The following ST7 variants were observed in gnomAD, a reference collection of about 807,000 sequenced individuals.
ST7 encodes suppressor of tumorigenicity 7 protein.
Under a neutral mutation model 78.7 loss-of-function variants are expected in ST7, and 28 were observed. The observed-to-expected ratio is 0.36, with a 90% confidence interval of 0.26 to 0.49. ST7 has a LOEUF of 0.49. Among genes scored for constraint, ST7 ranks in the 20% least tolerant of loss-of-function variants. The pLI is 0.99. For synonymous variants in ST7, 247 were observed against 249.6 expected (o/e 0.99, Z 0.10); for missense variants, 418 against 696.0 (o/e 0.60, Z 4.49).
chr7:117,011,134 TTGTG>T (rs147299288), intron 1 of ST7, among the ~76,000 whole-genome samples: 1 of 151,012 alleles, frequency 6.6e-6, no homozygotes, highest in African/African-American at 2.4e-5. Context: ...TTTAAGTATT[TTGTG>T]TGTGTGTGTG....
chr7:117,010,233 T>A (rs1795333083), intron 1 of ST7, among the ~76,000 whole-genome samples: 2 of 152,196 alleles, frequency 1.3e-5, no homozygotes, highest in South Asian at 4.1e-4. Context: ...AGCTGAATTC[T>A]CTCCTCACTT....
intron 10 of ST7, among the ~76,000 whole-genome samples, chr7:117,187,250 A>G (rs1454283188): frequency 2.0e-5 from 3 of 152,246 alleles, no homozygotes; most frequent in Non-Finnish European, 4.4e-5. Flanking sequence ...AAAATAACTT[A>G]CTAGCATAAA....
chr7:116,992,361 T>TC lies in ST7; in HGVS notation c.151+38673dup, dbSNP rs565210333. Among the ~76,000 whole-genome samples, 361 of 152,310 alleles carry TC rather than the reference T, an allele frequency of 2.4e-3. 3 individuals are homozygous for TC. The highest frequency in any genetic ancestry group is 6.9e-3 in the African/African-American group (288 of 41,572). On this transcript the variant is annotated intron_variant, in intron 1 of 15. Coordinates refer to ENST00000323984, the MANE Select transcript of ST7 (RefSeq NM_001369598.1). ...TACGTCTTCTGAAATCTACGTGGTT[T>TC]CCCAAACCCCAATTCTTGACTTCTG...
At chr7:117,223,125 G>A in intron 15 of ST7, 1 of 638,922 alleles carries the variant, frequency 1.6e-6, no homozygotes, top group Non-Finnish European at 2.8e-6. Context: ...CATCGTCTCG[G>A]CCTTCACAAT....
chr7:117,117,579 G>A (rs1021749248), intron 2 of ST7, among the ~76,000 whole-genome samples: 3 of 152,170 alleles, frequency 2.0e-5, no homozygotes, highest in East Asian at 1.9e-4. Context: ...TGTACAGTGA[G>A]CAGTACCCTT....
chr7:117,049,672 G>C (rs1320883106), intron 1 of ST7, among the ~76,000 whole-genome samples: 1 of 152,238 alleles, frequency 6.6e-6, no homozygotes, highest in African/African-American at 2.4e-5. Context: ...TGTAGTGACA[G>C]CTTCATGAAT....
rs189039687 is a variant in ST7, at chr7:117,116,895, T to C, written c.235-2666T>C. The stretch of plus-strand genomic sequence containing the variant: ...TTTTACCTTAGGATGAATAATCTGG[T>C]CCCATTTGATAGACTACTACTTCTG... On this transcript the variant is annotated intron_variant, in intron 2 of 15. Transcript: ENST00000323984. Among the ~76,000 whole-genome samples the C allele has an allele frequency of 9.5e-4, 145 of 152,312 alleles. 1 individual carries two copies. The highest frequency in any genetic ancestry group is 3.4e-3 in the Middle Eastern group (1 of 294).
At chr7:117,015,059 T>A in intron 1 of ST7, 1 of 972,636 alleles carries the variant, frequency 1.0e-6, no homozygotes, top group Non-Finnish European at 1.4e-6. Context: ...AGAATTACTT[T>A]AAAAATAATA....
chr7:116,983,703 C>T (rs117606641), intron 1 of ST7, among the ~76,000 whole-genome samples: 1,743 of 152,260 alleles, frequency 0.011, 10 homozygotes, highest in Non-Finnish European at 0.019. Context: ...TACCAACCCC[C>T]ACTGTCTGTC....
intron 13 of ST7, among the ~76,000 whole-genome samples, chr7:117,218,317 C>G (rs1792847317): frequency 6.6e-6 from 1 of 152,106 alleles, no homozygotes; most frequent in South Asian, 2.1e-4. Context: ...TTCATAGGAA[C>G]AGTGAGACTA....
In ST7 at chr7:117,131,813, C is replaced by T. The variant is rs566124328; in HGVS notation, c.566-72C>T. 9 of 1,336,142 alleles carry T rather than the reference C, an allele frequency of 6.7e-6. No homozygotes were observed. The African/African-American group carries it at 1.0e-4, about 15-fold the overall frequency. 82.8% of individuals were successfully genotyped at this position (1,336,142 alleles called of 1,614,324 possible). ...ATTTAAGCTGACACTCCTAATTTAG[C>T]TCTTGTCCTCTACTGAGTCTACCTA... On this transcript the variant is annotated intron_variant, in intron 5 of 15. Coordinates refer to ENST00000323984, the MANE Select transcript of ST7 (RefSeq NM_001369598.1).
At chr7:117,045,716 G>C (rs1423061794) in intron 1 of ST7, among the ~76,000 whole-genome samples, 1 of 152,134 alleles carries the variant, frequency 6.6e-6, no homozygotes, top group African/African-American at 2.4e-5. Flanking sequence ...TGTCTGCTTG[G>C]CCCATTGTAT....
intron 1 of ST7, among the ~76,000 whole-genome samples, chr7:116,975,254 T>C (rs529373211): frequency 1.3e-5 from 2 of 152,196 alleles, no homozygotes; most frequent in South Asian, 4.1e-4. Context: ...ACTTATTCAC[T>C]ATCACAACAG....
At chr7:117,059,021 A>C (rs1439492459) in intron 1 of ST7, among the ~76,000 whole-genome samples, 1 of 152,196 alleles carries the variant, frequency 6.6e-6, no homozygotes, top group Non-Finnish European at 1.5e-5. Context: ...GAGATAGAGA[A>C]TAGAAGGATG....
intron 1 of ST7, chr7:117,020,750 A>G: frequency 7.2e-7 from 1 of 1,382,456 alleles, no homozygotes; most frequent in South Asian, 1.4e-5. Context: ...TTTGGCTCTA[A>G]TTACAAAGGA....
At chr7:117,135,771 A>G (rs1377438013) in intron 7 of ST7, among the ~76,000 whole-genome samples, 3 of 152,106 alleles carry the variant, frequency 2.0e-5, no homozygotes, top group African/African-American at 7.2e-5. Context: ...CACTGTGAAC[A>G]AAGATTCCAT....
intron 1 of ST7, among the ~76,000 whole-genome samples, chr7:117,019,223 T>C (rs1795760893): frequency 6.6e-6 from 1 of 152,236 alleles, no homozygotes; most frequent in Admixed American, 6.5e-5. Context: ...TACGTATATA[T>C]GTATATATAT....
intron 1 of ST7, among the ~76,000 whole-genome samples, chr7:117,051,922 G>A (rs1797809831): frequency 1.3e-5 from 2 of 152,208 alleles, no homozygotes; most frequent in Admixed American, 1.3e-4. Context: ...AAGGAAATTT[G>A]AAGGTTGGCA....
intron 12 of ST7, among the ~76,000 whole-genome samples, chr7:117,194,156 A>G (rs1285785866): frequency 6.6e-6 from 1 of 152,216 alleles, no homozygotes; most frequent in Non-Finnish European, 1.5e-5. Context: ...ATTGCAGCAA[A>G]CTAGTAAAGA....
Sources: allele counts gnomAD v4.1 joint callset (sites outside exome capture counted in the v4.1 genomes callset), GRCh38; gene constraint gnomAD v4.1.1; transcripts MANE v1.5; gene names NCBI Gene and HGNC (gene_info 2026-07-23, HGNC 2026-07-21).